Variants in DLGAP1 observed in about 807,000 individuals in gnomAD.
The protein encoded by DLGAP1 is disks large-associated protein 1.
A neutral mutation model predicts 90.8 loss-of-function variants in DLGAP1; 11 were observed. The ratio of observed to expected loss-of-function variants is 0.12; its 90% CI spans 0.08 to 0.20. The LOEUF (loss-of-function observed/expected upper bound fraction) is 0.20, where lower values mean the gene tolerates loss of function less well. Ranked by LOEUF, DLGAP1 falls within the 10% of genes least tolerant of loss-of-function variation. DLGAP1 has a pLI of 1.00. For synonymous variants in DLGAP1, 558 were observed against 540.7 expected (o/e 1.03, Z -0.44); for missense variants, 1,050 against 1,333.8 (o/e 0.79, Z 3.31).
At chr18:4,165,625 C>T (rs1032745857) in intron 1 of DLGAP1, among the ~76,000 whole-genome samples, 11 of 152,072 alleles carry the variant, frequency 7.2e-5, no homozygotes, top group African/African-American at 2.4e-4. Context: ...CAATCTGATA[C>T]TTAAGACAAT....
chr18:4,278,012 T>C (rs2145409863), intron 1 of DLGAP1, among the ~76,000 whole-genome samples: 1 of 152,242 alleles, frequency 6.6e-6, no homozygotes, highest in South Asian at 2.1e-4. Flanking sequence ...CTTAGACCAT[T>C]GGACGTGTTC....
chr18:4,153,303 T>G (rs1466379890), intron 1 of DLGAP1, among the ~76,000 whole-genome samples: 1 of 152,198 alleles, frequency 6.6e-6, no homozygotes, highest in Non-Finnish European at 1.5e-5. Flanking sequence ...AATCTGCATT[T>G]TGAAAATGAT....
intron 1 of DLGAP1, among the ~76,000 whole-genome samples, chr18:4,187,886 A>G (rs1568441030): frequency 2.0e-5 from 3 of 151,924 alleles, no homozygotes; most frequent in East Asian, 3.9e-4. Flanking sequence ...AATCCCAGCT[A>G]TTTGGAAGTC....
At chr18:3,591,613 G>A (rs1420523857) in intron 7 of DLGAP1, among the ~76,000 whole-genome samples, 1 of 151,848 alleles carries the variant, frequency 6.6e-6, no homozygotes, top group Non-Finnish European at 1.5e-5. Flanking sequence ...TGGGGCGGGA[G>A]GATTGCTGAA....
At chr18:3,870,901 C>T (rs2070712159) in intron 4 of DLGAP1, among the ~76,000 whole-genome samples, 1 of 152,188 alleles carries the variant, frequency 6.6e-6, no homozygotes, top group Non-Finnish European at 1.5e-5. Context: ...AAAGGAGGAA[C>T]ACACCAATTT....
At chr18:4,012,390 A>C (rs1429389291) in intron 2 of DLGAP1, among the ~76,000 whole-genome samples, 2 of 151,962 alleles carry the variant, frequency 1.3e-5, no homozygotes, top group Admixed American at 1.3e-4. Context: ...CTTCCACACA[A>C]AGATTCCCCC....
At chr18:3,887,582 C>CAG (rs2071349222) in intron 3 of DLGAP1, among the ~76,000 whole-genome samples, 2 of 152,174 alleles carry the variant, frequency 1.3e-5, no homozygotes, top group African/African-American at 4.8e-5. Context: ...TCTCCTGATT[C>CAG]AGACCTCCTT....
chr18:3,517,311 T>C lies in DLGAP1; in HGVS notation c.2480-8650A>G, dbSNP rs2050901625. On this transcript the variant is annotated intron_variant, in intron 10 of 12. Transcript: ENST00000315677. The surrounding 1 kb of genome is among the most constrained non-coding windows in gnomAD (Gnocchi z 4.1). ...CCTGCCAATAGAAGGCTGTTTTGTC[T>C]ACATTGAAAATCTGTTGTTTAGTGT... Among the ~76,000 whole-genome samples, 1 of 152,206 alleles carries C rather than the reference T, an allele frequency of 6.6e-6. No individual in the cohort carries two copies. Among genetic ancestry groups the C allele is most frequent in the South Asian group, 2.1e-4 (1 of 4,836 alleles).
chr18:3,784,457 G>A (rs527824519), intron 5 of DLGAP1, among the ~76,000 whole-genome samples: 4 of 152,222 alleles, frequency 2.6e-5, no homozygotes, highest in Admixed American at 6.5e-5. Flanking sequence ...TGGGTCTGCC[G>A]TGTATGTGTT....
intron 2 of DLGAP1, among the ~76,000 whole-genome samples, chr18:4,008,035 A>G (rs1328510104): frequency 6.6e-6 from 1 of 152,154 alleles, no homozygotes; most frequent in Admixed American, 6.5e-5. Context: ...AATTGGAATC[A>G]GTCACTAACA....
At chr18:4,255,777 TA>T (rs1452437831) in intron 1 of DLGAP1, among the ~76,000 whole-genome samples, 2 of 152,056 alleles carry the variant, frequency 1.3e-5, no homozygotes, top group Admixed American at 1.3e-4. Flanking sequence ...CCAAATAAAC[TA>T]AATATAAATT....
chr18:3,741,103 TCACCATCACCACCACCATCACCACCAC>T (rs2062946402), intron 6 of DLGAP1, among the ~76,000 whole-genome samples: 1 of 53,156 alleles, frequency 1.9e-5, no homozygotes, highest in Non-Finnish European at 3.4e-5. Context: ...ACCACCACCA[TCACCATCACCACCACCATCACCACCAC>T]CACCACATCA....
At chr18:4,081,596 T>C (rs1010990407) in intron 2 of DLGAP1, among the ~76,000 whole-genome samples, 1 of 152,196 alleles carries the variant, frequency 6.6e-6, no homozygotes, top group African/African-American at 2.4e-5. Flanking sequence ...CATCTGCTTA[T>C]AGTCCAGACC....
chr18:4,238,707 G>T (rs1345956865), intron 1 of DLGAP1, among the ~76,000 whole-genome samples: 1 of 152,102 alleles, frequency 6.6e-6, no homozygotes, highest in Non-Finnish European at 1.5e-5. Flanking sequence ...ATCAAAATAT[G>T]TAACTACCCT....
chr18:4,303,804 G>T (rs2080185460), intron 1 of DLGAP1, among the ~76,000 whole-genome samples: 1 of 152,164 alleles, frequency 6.6e-6, no homozygotes, highest in Admixed American at 6.5e-5. Flanking sequence ...GAGTGTATCT[G>T]AAGTGTATTA....
rs776988642 is a variant in DLGAP1 at position 3,499,441 on chromosome 18, A to G, written c.2725-47T>C. On this transcript the variant is annotated intron_variant, in intron 12 of 12. Transcript: ENST00000315677. The surrounding 1 kb of genome is among the most constrained non-coding windows in gnomAD (Gnocchi z 6.4). ...GGACATTACACAGCTTCTCAGGACA[A>G]GCTTGGGAAAAACTGGGATAGGTCA... 6.5e-7 allele frequency: 1 copy of G among 1,542,852 alleles called. No individual in the cohort carries two copies. The highest frequency in any genetic ancestry group is 1.2e-5 in the South Asian group (1 of 83,346).
intron 2 of DLGAP1, among the ~76,000 whole-genome samples, chr18:4,015,871 G>A (rs369325895): frequency 1.3e-5 from 2 of 152,134 alleles, no homozygotes; most frequent in African/African-American, 4.8e-5. Flanking sequence ...CTATCCCACT[G>A]TTGAGCTAAC....
At chr18:3,700,561 C>T (rs2061246110) in intron 7 of DLGAP1, among the ~76,000 whole-genome samples, 1 of 152,060 alleles carries the variant, frequency 6.6e-6, no homozygotes, top group African/African-American at 2.4e-5. Flanking sequence ...TGGAGCTGTT[C>T]CTATTCAGCC....
At chr18:4,201,470 C>G (rs1260876222) in intron 1 of DLGAP1, among the ~76,000 whole-genome samples, 2 of 151,984 alleles carry the variant, frequency 1.3e-5, no homozygotes, top group African/African-American at 4.8e-5. Flanking sequence ...TATTCTGTTC[C>G]ATTGGTCTGT....
Sources: allele counts gnomAD v4.1 joint callset (sites outside exome capture counted in the v4.1 genomes callset), GRCh38; gene constraint gnomAD v4.1.1; non-coding constraint Gnocchi (gnomAD v3.1); transcripts MANE v1.5; gene names NCBI Gene and HGNC (gene_info 2026-07-23, HGNC 2026-07-21).